MTHFSD: variants seen among roughly 807,000 people sequenced by gnomAD.
MTHFSD encodes methenyltetrahydrofolate synthase domain-containing protein.
In MTHFSD, 37 loss-of-function variants were observed where a neutral mutation model predicts 31.1. That is an observed-to-expected ratio of 1.19 (90% confidence interval 0.91 to 1.56). The LOEUF is 1.56. Ranked by LOEUF, MTHFSD falls within the 40% of genes most tolerant of loss-of-function variation. The pLI, the probability that MTHFSD is intolerant of heterozygous loss-of-function variation, is 0.00. For missense variants in MTHFSD, 664 were observed against 510.1 expected, an observed-to-expected ratio of 1.30 and a Z score of -2.91; for synonymous variants, 221 against 206.9, an observed-to-expected ratio of 1.07 and a Z score of -0.59.
intron 3 of MTHFSD, among the ~76,000 whole-genome samples, chr16:86,550,620 G>A (rs1320814309): frequency 6.6e-6 from 1 of 152,224 alleles, no homozygotes; most frequent in Non-Finnish European, 1.5e-5. Context: ...TCCCATAGTA[G>A]TAGAGAACCA....
In MTHFSD at chr16:86,548,529, A is replaced by ACAATC. The variant is rs779168635; in HGVS notation, c.281_285dup (p.Phe96AspfsTer17). ...CCAGGGGGTGGTGTGATCTTATTAA[A>ACAATC]CAATCCCGTTCTCAGTCGTGGTGTT... On this transcript the variant is annotated frameshift_variant, in exon 4 of 8. Coordinates refer to ENST00000360900, the MANE Select transcript of MTHFSD (RefSeq NM_001159377.2). LOFTEE classifies it high-confidence loss of function. The ACAATC allele has an allele frequency of 6.2e-7, 1 of 1,613,686 alleles. No individual in the cohort carries two copies. Among genetic ancestry groups the ACAATC allele is most frequent in the South Asian group, 1.1e-5 (1 of 90,888 alleles).
At chr16:86,547,692 G>T (rs936900295) in intron 4 of MTHFSD, 4 of 396,962 alleles carry the variant, frequency 1.0e-5, no homozygotes, top group Non-Finnish European at 1.0e-5. Flanking sequence ...TTACTTTATT[G>T]TATGTATTTT....
rs1182458046 is a variant in MTHFSD, at chr16:86,552,028, A to C, written c.237+5T>G. 1 of 1,614,154 alleles carries C rather than the reference A, an allele frequency of 6.2e-7. No individual in the cohort carries two copies. Among genetic ancestry groups the C allele is most frequent in the Admixed American group, 1.7e-5 (1 of 60,024 alleles). ...TCTCGGCTCGGCTCAGGGAAGTGGAATTACCTGCAGCACCAGCAGCCGAAC... is the reference window on the plus strand; with the variant it reads ...TCTCGGCTCGGCTCAGGGAAGTGGACTTACCTGCAGCACCAGCAGCCGAAC... On this transcript the variant is annotated splice_donor_5th_base_variant and intron_variant, in intron 3 of 7. Coordinates refer to ENST00000360900, the MANE Select transcript of MTHFSD (RefSeq NM_001159377.2).
intron 7 of MTHFSD, among the ~76,000 whole-genome samples, chr16:86,536,193 C>T (rs1424060270): frequency 2.6e-5 from 4 of 152,214 alleles, no homozygotes; most frequent in African/African-American, 9.7e-5. Flanking sequence ...CTAAGTTCAA[C>T]CTCCATAAAT....
At chr16:86,534,601 A>C (rs1970421729) in intron 7 of MTHFSD, among the ~76,000 whole-genome samples, 1 of 152,214 alleles carries the variant, frequency 6.6e-6, no homozygotes, top group South Asian at 2.1e-4. Flanking sequence ...GAAACATGTA[A>C]AAACAGATAT....
At chr16:86,547,352 C>T in intron 4 of MTHFSD, 1 of 985,712 alleles carries the variant, frequency 1.0e-6, no homozygotes, top group Non-Finnish European at 1.2e-6. Flanking sequence ...CAGGAAAAAG[C>T]CATTTTCAGT....
intron 5 of MTHFSD, among the ~76,000 whole-genome samples, chr16:86,545,450 C>G (rs1338298834): frequency 6.6e-6 from 1 of 152,130 alleles, no homozygotes; most frequent in Non-Finnish European, 1.5e-5. Flanking sequence ...ATGATATTTT[C>G]CAAGAGGGGA....
intron 7 of MTHFSD, chr16:86,541,085 T>C: frequency 7.9e-7 from 1 of 1,265,046 alleles, no homozygotes; most frequent in Non-Finnish European, 1.0e-6. Flanking sequence ...AGCACAAATG[T>C]CTTCTCAGTA....
chr16:86,540,778 G>A (rs1971389449), intron 7 of MTHFSD: 1 of 992,424 alleles, frequency 1.0e-6, no homozygotes, highest in South Asian at 4.5e-5. Context: ...TGCTCCTGGT[G>A]CGCTTAGAGG....
rs375096184 is a variant in MTHFSD, at chr16:86,532,699, G to A, written c.682-218C>T. 6.8e-5 allele frequency: 26 copies of A among 385,064 alleles called. 1 individual carries two copies. Among genetic ancestry groups the A allele is most frequent in the East Asian group, 5.7e-4 (15 of 26,220 alleles). 23.9% of individuals were successfully genotyped at this position (385,064 alleles called of 1,614,324 possible). A position where few individuals can be genotyped will look rare whatever the true frequency, so the allele number is the denominator to read the frequency against. On this transcript the variant is annotated intron_variant, in intron 7 of 7. Transcript: ENST00000360900. ...TCTGCCCCTCGCCCCTGGCTTAAGG[G>A]AAGTCAGCACTCACGGGGGCTCTGG...
At chr16:86,553,819 G>A (rs1973576647) in intron 2 of MTHFSD, 2 of 152,926 alleles carry the variant, frequency 1.3e-5, no homozygotes, top group African/African-American at 2.4e-5. Context: ...CTGGGCTCCT[G>A]AGGCTGGTGG....
rs537618903 is a variant in MTHFSD at position 86,551,954 on chromosome 16, G to A, written c.237+79C>T. The A allele has an allele frequency of 5.0e-5, 79 of 1,593,176 alleles. No individual in the cohort carries two copies. The African/African-American group carries it at 6.5e-4, about 13-fold the overall frequency. ...CCGACTTTCTAAATGCAAGACAGAC[G>A]TGTGCACTGACCAGCTACCTGGAAA... On this transcript the variant is annotated intron_variant, in intron 3 of 7. Transcript: ENST00000360900.
chr16:86,546,716 C>A (rs1176427064), intron 4 of MTHFSD, 67 bp from the exon 5 acceptor site: 13 of 1,337,668 alleles, frequency 9.7e-6, no homozygotes, highest in South Asian at 2.4e-5. Flanking sequence ...AATTCATGAT[C>A]AAAGTGCACT....
At chr16:86,546,770 C>A in intron 4 of MTHFSD, 121 bp from the exon 5 acceptor site, 3 of 802,992 alleles carry the variant, frequency 3.7e-6, no homozygotes, top group South Asian at 1.6e-5. Context: ...TGCAGGCACA[C>A]GCAACACCGG....
chr16:86,532,024 T>G lies in MTHFSD; in HGVS notation c.1139A>C (p.Gln380Pro). 1 of 1,480,216 alleles carries G rather than the reference T, an allele frequency of 6.8e-7. No homozygotes were observed. The highest frequency in any genetic ancestry group is 8.9e-7 in the Non-Finnish European group (1 of 1,121,426). 91.7% of individuals were successfully genotyped at this position (1,480,216 alleles called of 1,614,324 possible). Residue 380 changes from glutamine to proline, a missense_variant, in exon 8 of 8, where the codon CAG becomes CCG. By Grantham distance (76) the Gln-to-Pro change is moderately conservative (BLOSUM62 -1). Coordinates refer to ENST00000360900, the MANE Select transcript of MTHFSD (RefSeq NM_001159377.2). ...DTLRVALARQ[Q>P]RDK ...CTGTCCACGAGGTCACTTGTCCCTC[T>G]GCTGCCTGGCCAGCGCCACCCTCAG...
chr16:86,532,673 C>T, intron 7 of MTHFSD, 192 bp from the exon 8 acceptor site: 1 of 409,622 alleles, frequency 2.4e-6, no homozygotes. Flanking sequence ...CAGTCTGTAG[C>T]TCTGCCCCTC....
At chr16:86,548,689 G>GT (rs970727147) in intron 3 of MTHFSD, 112 bp from the exon 4 acceptor site, 181 of 786,738 alleles carry the variant, frequency 2.3e-4, no homozygotes, top group East Asian at 4.3e-4. Context: ...TATCCGCATG[G>GT]TTTTTTTTGG....
chr16:86,547,769 C>T (rs1482300480), intron 4 of MTHFSD, among the ~76,000 whole-genome samples: 1 of 151,926 alleles, frequency 6.6e-6, no homozygotes, highest in Non-Finnish European at 1.5e-5. Context: ...TGAAACGTTC[C>T]AGTTTTATAC....
In MTHFSD at chr16:86,552,320, G is replaced by A. The variant is rs149343999; in HGVS notation, c.124-174C>T. The stretch of plus-strand genomic sequence containing the variant: ...GTTTCCAATGCAATCGCACGTTACT[G>A]AAAGGACAGCACGCTCTCAGGCCAA... On this transcript the variant is annotated intron_variant, in intron 2 of 7. Coordinates refer to ENST00000360900, the MANE Select transcript of MTHFSD (RefSeq NM_001159377.2). The A allele has an allele frequency of 5.9e-6, 9 of 1,529,206 alleles. No individual in the cohort carries two copies. The East Asian group carries it at 2.0e-4, about 33-fold the overall frequency. The allele number at this position is 1,529,206 out of a possible 1,614,324, so 94.7% of individuals were successfully genotyped here.
Sources: gnomAD v4.1 joint callset for allele counts (sites outside exome capture counted in the v4.1 genomes callset) on GRCh38, gnomAD v4.1.1 for gene constraint, MANE v1.5 for transcripts, NCBI Gene and HGNC (gene_info 2026-07-23, HGNC 2026-07-21) for gene names.